Variants in DCC observed in about 807,000 individuals in gnomAD.
The protein encoded by DCC is DCC netrin 1 receptor, also known as netrin receptor DCC.
Under a neutral mutation model 172.5 loss-of-function variants are expected in DCC, and 58 were observed. The observed-to-expected ratio is 0.34, with a 90% CI of 0.27 to 0.42. The LOEUF (loss-of-function observed/expected upper bound fraction) is 0.42. DCC is among the 10% of genes least tolerant of loss of function. DCC has a pLI of 1.00. For synonymous variants in DCC, 709 were observed against 644.5 expected, an observed-to-expected ratio of 1.10 and a Z score of -1.52; for missense variants, 1,740 against 1,791.0, an observed-to-expected ratio of 0.97 and a Z score of 0.51.
intron 12 of DCC, among the ~76,000 whole-genome samples, chr18:53,267,812 G>C (rs1451496072): frequency 1.3e-5 from 2 of 152,012 alleles, no homozygotes; most frequent in Non-Finnish European, 2.9e-5. Context: ...TTTATGTTTG[G>C]GACTTGTCAA....
At chr18:53,067,085 T>G (rs2042582254) in intron 7 of DCC, among the ~76,000 whole-genome samples, 1 of 152,152 alleles carries the variant, frequency 6.6e-6, no homozygotes, top group African/African-American at 2.4e-5. Context: ...GGGATTGCAA[T>G]TAGACATGAG....
chr18:53,011,681 T>G (rs1330632932), intron 5 of DCC, among the ~76,000 whole-genome samples: 1 of 151,820 alleles, frequency 6.6e-6, no homozygotes, highest in Non-Finnish European at 1.5e-5. Flanking sequence ...TTAATTTGAA[T>G]TCATAGGGAT....
At chr18:53,366,541 G>A (rs894787488) in intron 15 of DCC, among the ~76,000 whole-genome samples, 8 of 152,102 alleles carry the variant, frequency 5.3e-5, no homozygotes, top group African/African-American at 1.9e-4. Flanking sequence ...TCTCCCTGGT[G>A]GGATGTTCAT....
At chr18:52,638,302 G>A (rs2034821137) in intron 1 of DCC, among the ~76,000 whole-genome samples, 1 of 152,032 alleles carries the variant, frequency 6.6e-6, no homozygotes. Context: ...AAGCACACAG[G>A]CAACAAAGAG....
intron 5 of DCC, among the ~76,000 whole-genome samples, chr18:52,986,810 A>G (rs1247945498): frequency 7.0e-6 from 1 of 143,762 alleles, no homozygotes; most frequent in Non-Finnish European, 1.5e-5. Context: ...CGTGTAGTAT[A>G]TATATACACA....
At chr18:53,088,441 T>G (rs929454421) in intron 7 of DCC, among the ~76,000 whole-genome samples, 2 of 152,122 alleles carry the variant, frequency 1.3e-5, no homozygotes, top group Non-Finnish European at 2.9e-5. Flanking sequence ...TGTGATTTTT[T>G]CACATTGAGT....
At chr18:52,881,410 C>T (rs1033609560) in intron 2 of DCC, among the ~76,000 whole-genome samples, 1 of 152,064 alleles carries the variant, frequency 6.6e-6, no homozygotes, top group Non-Finnish European at 1.5e-5. Context: ...GGATGTTACT[C>T]AAGAAATTTT....
intron 25 of DCC, among the ~76,000 whole-genome samples, chr18:53,476,236 A>T (rs145354495): frequency 1.4e-3 from 218 of 152,288 alleles, no homozygotes; most frequent in African/African-American, 5.0e-3. Context: ...GTTAATGCTG[A>T]AATGAGTTAA....
At chr18:53,101,418 G>A (rs2043170743) in intron 7 of DCC, among the ~76,000 whole-genome samples, 1 of 152,052 alleles carries the variant, frequency 6.6e-6, no homozygotes, top group South Asian at 2.1e-4. Context: ...GGCATGACCA[G>A]TACTAAATCA....
chr18:52,977,997 CAAATT>C (rs1239247761), intron 5 of DCC, among the ~76,000 whole-genome samples: 11 of 149,318 alleles, frequency 7.4e-5, no homozygotes, highest in Admixed American at 4.0e-4. Flanking sequence ...AAGATCAAAT[CAAATT>C]AAATTTGTAT....
chr18:53,121,741 T>A (rs1246571166), intron 7 of DCC, among the ~76,000 whole-genome samples: 5 of 151,926 alleles, frequency 3.3e-5, no homozygotes, highest in African/African-American at 9.7e-5. Context: ...TGTATTTTTT[T>A]AAATATTAAT....
chr18:53,045,337 C>G (rs1030905804), intron 5 of DCC, among the ~76,000 whole-genome samples: 3 of 151,816 alleles, frequency 2.0e-5, no homozygotes, highest in Admixed American at 1.3e-4. Flanking sequence ...TACAGCAATT[C>G]TTAGTTAGCC....
At chr18:53,121,459 C>A (rs1202425501) in intron 7 of DCC, among the ~76,000 whole-genome samples, 1 of 151,862 alleles carries the variant, frequency 6.6e-6, no homozygotes, top group Non-Finnish European at 1.5e-5. Flanking sequence ...TTCAGATTCA[C>A]AAGTGGTCAG....
intron 15 of DCC, among the ~76,000 whole-genome samples, chr18:53,362,601 A>G (rs1168461223): frequency 1.3e-5 from 2 of 152,180 alleles, no homozygotes; most frequent in Non-Finnish European, 2.9e-5. Context: ...TTTTAAAGCA[A>G]GTATCTTGTA....
At chr18:52,917,116 C>CAA (rs36010390) in intron 3 of DCC, among the ~76,000 whole-genome samples, 183 of 82,002 alleles carry the variant, frequency 2.2e-3, no homozygotes, top group Middle Eastern at 8.1e-3. Flanking sequence ...AACCCCGTCT[C>CAA]AAAAAAAAAA....
intron 5 of DCC, among the ~76,000 whole-genome samples, chr18:53,011,547 T>C (rs996295281): frequency 2.0e-5 from 3 of 151,836 alleles, no homozygotes; most frequent in Non-Finnish European, 4.4e-5. Flanking sequence ...TTTAAAGAAA[T>C]TTTTATTGAT....
intron 5 of DCC, among the ~76,000 whole-genome samples, chr18:53,012,176 C>G (rs2041739746): frequency 6.6e-6 from 1 of 151,838 alleles, no homozygotes; most frequent in South Asian, 2.1e-4. Context: ...ACCAGCAATT[C>G]TACTTCTAGG....
intron 8 of DCC, among the ~76,000 whole-genome samples, chr18:53,172,631 G>C (rs570606131): frequency 6.7e-6 from 1 of 149,024 alleles, no homozygotes; most frequent in African/African-American, 2.4e-5. Context: ...GTGTTTGATA[G>C]GCAAATATGG....
Position 52,652,711 on chromosome 18 carries a change from A to AGTGTGTGTGTGTGTGTGTGT in DCC, c.92-99333_92-99314dup, listed in dbSNP as rs71175513. 8.9e-3 allele frequency among the ~76,000 whole-genome samples: 1,283 copies of AGTGTGTGTGTGTGTGTGTGT among 143,382 alleles called. 15 individuals carry two copies. Among genetic ancestry groups the AGTGTGTGTGTGTGTGTGTGT allele is most frequent in the African/African-American group, 0.017 (636 of 37,620 alleles). 94.1% of individuals were successfully genotyped at this position (143,382 alleles called of 152,430 possible). On this transcript the variant is annotated intron_variant, in intron 1 of 28. Transcript: ENST00000442544. ...GTACATTACAACAGGACTGCAATAA[A>AGTGTGTGTGTGTGTGTGTGT]GTGTGTGTGTGTGTGTGTGTGTGTG...
Sources: allele counts gnomAD v4.1 joint callset (sites outside exome capture counted in the v4.1 genomes callset), GRCh38; gene constraint gnomAD v4.1.1; transcripts MANE v1.5; gene names NCBI Gene and HGNC (gene_info 2026-07-23, HGNC 2026-07-21).